The following F13A1 variants were observed in gnomAD, a reference collection of about 807,000 sequenced individuals.
The protein encoded by F13A1 is FSF, A subunit.
Under a neutral mutation model 80.1 loss-of-function variants are expected in F13A1, and 47 were observed. That is an observed-to-expected ratio of 0.59 (90% CI 0.46 to 0.75). F13A1 has a LOEUF of 0.75. Among genes scored for constraint, F13A1 ranks in the 30% least tolerant of loss-of-function variants. The pLI is 0.00. For synonymous variants in F13A1, 349 were observed against 344.9 expected (o/e 1.01, Z -0.13); for missense variants, 817 against 930.4 (o/e 0.88, Z 1.59).
At chr6:6,194,368 A>G (rs1583065609) in intron 10 of F13A1, among the ~76,000 whole-genome samples, 1 of 152,046 alleles carries the variant, frequency 6.6e-6, no homozygotes, top group East Asian at 1.9e-4. Context: ...CTGCCCCCAC[A>G]AAGCTTTCAG....
At chr6:6,319,495 T>C (rs952480236) in intron 1 of F13A1, among the ~76,000 whole-genome samples, 11 of 152,230 alleles carry the variant, frequency 7.2e-5, no homozygotes, top group African/African-American at 2.7e-4. Context: ...GTGCAGGCAC[T>C]GAGCCAGTTT....
At chr6:6,304,860 CAAAA>C (rs10719492) in intron 3 of F13A1, among the ~76,000 whole-genome samples, 7 of 103,232 alleles carry the variant, frequency 6.8e-5, no homozygotes, top group African/African-American at 7.9e-5. Flanking sequence ...GACTCTGTCT[CAAAA>C]AAAAAAAAAA....
At position 6,162,486 on chromosome 6, in the gene F13A1, ACT is replaced by A. The variant is rs1203417478; in HGVS notation, c.1908+4970_1908+4971del. Among the ~76,000 whole-genome samples, 1 of 151,788 alleles carries A rather than the reference ACT, an allele frequency of 6.6e-6. No homozygotes were observed. Among genetic ancestry groups the A allele is most frequent in the African/African-American group, 2.4e-5 (1 of 41,284 alleles). On this transcript the variant is annotated intron_variant, in intron 13 of 14. Transcript: ENST00000264870. The surrounding 1 kb of genome is among the most constrained non-coding windows in gnomAD (Gnocchi z 4.2). ...TGATCTCTCCTCCCTTGAATACAAA[ACT>A]CTCTGCAAAGTCAATGACCACCTCT...
intron 3 of F13A1, among the ~76,000 whole-genome samples, chr6:6,275,905 T>C (rs1166394470): frequency 6.6e-6 from 1 of 152,214 alleles, no homozygotes; most frequent in Non-Finnish European, 1.5e-5. Flanking sequence ...AGGATATTTT[T>C]AGTCTTTAAG....
intron 3 of F13A1, among the ~76,000 whole-genome samples, 184 bp from the exon 4 acceptor site, chr6:6,266,993 C>G (rs551438727): frequency 6.6e-6 from 1 of 152,328 alleles, no homozygotes; most frequent in South Asian, 2.1e-4. Flanking sequence ...CCTTCAAGAG[C>G]AAAACTTATT....
At chr6:6,311,927 A>G (rs1425001819) in intron 2 of F13A1, among the ~76,000 whole-genome samples, 1 of 147,196 alleles carries the variant, frequency 6.8e-6, no homozygotes, top group African/African-American at 2.5e-5. Context: ...TACATATATA[A>G]TATATAGTTT....
intron 3 of F13A1, among the ~76,000 whole-genome samples, chr6:6,274,140 C>T (rs1362535810): frequency 6.6e-6 from 1 of 152,128 alleles, no homozygotes; most frequent in Non-Finnish European, 1.5e-5. Context: ...TGGGGGGAAA[C>T]TTTGTGAAGA....
chr6:6,190,508 T>G (rs962307335), intron 10 of F13A1, among the ~76,000 whole-genome samples: 1 of 150,370 alleles, frequency 6.7e-6, no homozygotes, highest in African/African-American at 2.4e-5. Context: ...GTTCCCCTGC[T>G]GGGGGGTGCC....
At chr6:6,187,570 G>T (rs1761101526) in intron 10 of F13A1, among the ~76,000 whole-genome samples, 1 of 116,182 alleles carries the variant, frequency 8.6e-6, no homozygotes, top group Non-Finnish European at 1.8e-5. Context: ...CAGGGATGAA[G>T]CCCACTTGAT....
In F13A1 at chr6:6,288,336, C is replaced by G. The variant is rs139618927; in HGVS notation, c.319+17015G>C. 1.4e-3 allele frequency among the ~76,000 whole-genome samples: 217 copies of G among 152,296 alleles called. 4 individuals carry two copies. In the East Asian group the frequency reaches 0.038, roughly 27 times the overall value. On this transcript the variant is annotated intron_variant, in intron 3 of 14. Transcript: ENST00000264870. ...TCTTCTTTTTCCTCATTCCTTGCCC[C>G]CAAGCCCCAGCCTCTGGTAAACAAC... is the stretch of plus-strand genomic sequence containing the variant.
chr6:6,261,262 C>T (rs529594370), intron 4 of F13A1, among the ~76,000 whole-genome samples: 7 of 152,168 alleles, frequency 4.6e-5, no homozygotes, highest in Non-Finnish European at 1.0e-4. Context: ...CCACTGGGCC[C>T]GGCCCTGCCT....
chr6:6,262,609 C>T (rs1031903022), intron 4 of F13A1, among the ~76,000 whole-genome samples: 4 of 151,986 alleles, frequency 2.6e-5, no homozygotes, highest in African/African-American at 4.8e-5. Context: ...AGTTCACCTT[C>T]TACCCTCCAG....
At position 6,305,425 on chromosome 6, in the gene F13A1, G is replaced by T; in HGVS notation, c.245C>A (p.Ser82Tyr). ...ACTGAAGTCAATCTGCACATAGAAA[G>T]ACTGCCCTCTGCGGACAATCAGCTT... ...NNKLIVRRGQ[S>Y]FYVQIDFSRP... Residue 82 changes from serine to tyrosine, a missense_variant, in exon 3 of 15, where the codon TCT becomes TAT. Transcript: ENST00000264870. 1 of 1,614,224 alleles carries T rather than the reference G, an allele frequency of 6.2e-7. No individual in the cohort carries two copies. Among genetic ancestry groups the T allele is most frequent in the Non-Finnish European group, 8.5e-7 (1 of 1,180,044 alleles).
chr6:6,224,884 G>A, intron 6 of F13A1, 24 bp from the exon 7 acceptor site: 1 of 1,613,806 alleles, frequency 6.2e-7, no homozygotes, highest in Non-Finnish European at 8.5e-7. Flanking sequence ...TGAGAAGTGA[G>A]AAGGAAGAAA....
intron 10 of F13A1, among the ~76,000 whole-genome samples, chr6:6,183,775 G>C (rs572697419): frequency 1.3e-5 from 2 of 152,222 alleles, no homozygotes; most frequent in East Asian, 1.9e-4. Flanking sequence ...AAGAAACCTG[G>C]GTTCCGATAG....
rs781008089 is a variant in F13A1 at position 6,243,284 on chromosome 6, C to G, written c.798+5028G>C. 6.6e-6 allele frequency among the ~76,000 whole-genome samples: 1 copy of G among 151,470 alleles called. No individual in the cohort carries two copies. The highest frequency in any genetic ancestry group is 2.4e-5 in the African/African-American group (1 of 41,212). On this transcript the variant is annotated intron_variant, in intron 6 of 14. Coordinates refer to ENST00000264870, the MANE Select transcript of F13A1 (RefSeq NM_000129.4). This position sits in a 1 kb window ranked among gnomAD's most constrained non-coding sequence, Gnocchi z 4.2. Reference sequence around the variant, plus strand: ...TCATCACTATCACCACCATAATCACCCTACCATCACCACCATTATTATCAC... The same window carrying G: ...TCATCACTATCACCACCATAATCACGCTACCATCACCACCATTATTATCAC...
At chr6:6,187,989 A>G (rs1163662461) in intron 10 of F13A1, among the ~76,000 whole-genome samples, 1 of 150,092 alleles carries the variant, frequency 6.7e-6, no homozygotes, top group African/African-American at 2.4e-5. Flanking sequence ...CATTTCTTCT[A>G]TATTTTCTAG....
chr6:6,319,070 A>G (rs1758731199), intron 1 of F13A1, among the ~76,000 whole-genome samples: 1 of 152,260 alleles, frequency 6.6e-6, no homozygotes, highest in Admixed American at 6.5e-5. Context: ...CATTTCATAC[A>G]GATTTATGAG....
intron 4 of F13A1, among the ~76,000 whole-genome samples, chr6:6,259,236 G>A (rs1462055442): frequency 6.6e-6 from 1 of 152,200 alleles, no homozygotes; most frequent in Admixed American, 6.5e-5. Context: ...GGGCTCAAGA[G>A]TCTCCAAGAG....
Sources: gnomAD v4.1 joint callset for allele counts (sites outside exome capture counted in the v4.1 genomes callset) on GRCh38, gnomAD v4.1.1 for gene constraint, Gnocchi (gnomAD v3.1) non-coding constraint, MANE v1.5 for transcripts, NCBI Gene and HGNC (gene_info 2026-07-23, HGNC 2026-07-21) for gene names.